The following ICA1 variants were observed in gnomAD, a reference collection of about 807,000 sequenced individuals.
ICA1 encodes islet cell autoantigen 1, also known as 69 kDa islet cell autoantigen.
A neutral mutation model predicts 71.0 loss-of-function variants in ICA1; 40 were observed. The observed-to-expected ratio is 0.56, with a 90% CI of 0.44 to 0.73. The LOEUF is 0.73. Ranked by LOEUF, ICA1 falls within the 30% of genes least tolerant of loss-of-function variation. The pLI, the probability that ICA1 is intolerant of heterozygous loss-of-function variation, is 0.00. For missense variants in ICA1, 578 were observed against 576.5 expected (o/e 1.00, Z -0.03); for synonymous variants, 207 against 209.5 (o/e 0.99, Z 0.10).
intron 6 of ICA1, among the ~76,000 whole-genome samples, chr7:8,208,311 G>A (rs1583251916): frequency 2.0e-5 from 3 of 152,216 alleles, no homozygotes; most frequent in South Asian, 2.1e-4. Flanking sequence ...GTACTATAAC[G>A]CTATTGGCAT....
At chr7:8,192,872 C>G (rs140011294) in intron 6 of ICA1, among the ~76,000 whole-genome samples, 2 of 152,138 alleles carry the variant, frequency 1.3e-5, no homozygotes, top group Admixed American at 6.5e-5. Flanking sequence ...CGAATGGGAG[C>G]CTCTTTGGGC....
At chr7:8,181,244 T>C (rs569988220) in intron 6 of ICA1, among the ~76,000 whole-genome samples, 2 of 152,260 alleles carry the variant, frequency 1.3e-5, no homozygotes, top group Non-Finnish European at 2.9e-5. Context: ...CATTATTTTC[T>C]CCAATGAATT....
chr7:8,205,764 G>C (rs544121755), intron 6 of ICA1, among the ~76,000 whole-genome samples: 62 of 152,314 alleles, frequency 4.1e-4, no homozygotes, highest in Admixed American at 1.5e-3. Flanking sequence ...TAGATTGAGA[G>C]AACAGAGTTG....
intron 13 of ICA1, among the ~76,000 whole-genome samples, chr7:8,121,283 G>T (rs144197269): frequency 3.0e-4 from 46 of 152,176 alleles, no homozygotes; most frequent in African/African-American, 9.2e-4. Flanking sequence ...CTGCCATCCA[G>T]CCAGCCAGCC....
At chr7:8,211,163 G>GA (rs1393993522) in intron 6 of ICA1, among the ~76,000 whole-genome samples, 1 of 152,228 alleles carries the variant, frequency 6.6e-6, no homozygotes, top group African/African-American at 2.4e-5. Context: ...CAACCTCCCA[G>GA]AGAACCCACA....
intron 12 of ICA1, among the ~76,000 whole-genome samples, chr7:8,135,380 T>G (rs1377869525): frequency 6.6e-6 from 1 of 151,896 alleles, no homozygotes; most frequent in Non-Finnish European, 1.5e-5. Context: ...CACTACAGGC[T>G]ACAGGATGAT....
chr7:8,174,768 A>AC lies in ICA1; in HGVS notation c.580-16117_580-16116insG, dbSNP rs1268831694. Among the ~76,000 whole-genome samples the AC allele has an allele frequency of 2.1e-3, 136 of 63,316 alleles. No individual in the cohort carries two copies. In the South Asian group the frequency reaches 0.036, roughly 17 times the overall value. The allele number at this position is 63,316 out of a possible 152,430, so 41.5% of individuals were successfully genotyped here. A position where few individuals can be genotyped will look rare whatever the true frequency, so the allele number is the denominator to read the frequency against. On this transcript the variant is annotated intron_variant, in intron 6 of 13. Transcript: ENST00000402384. Reference sequence around the variant, plus strand: ...CAGACTGTATCTCAAAAAAAAAAAAAAAAAAAAAAAACAGAGAGAGAGACA... The same window carrying AC: ...CAGACTGTATCTCAAAAAAAAAAAAACAAAAAAAAAAACAGAGAGAGAGACA...
chr7:8,178,164 C>G (rs1350248621), intron 6 of ICA1, among the ~76,000 whole-genome samples: 1 of 152,200 alleles, frequency 6.6e-6, no homozygotes, highest in Admixed American at 6.5e-5. Flanking sequence ...GTGTTCATCC[C>G]CTTCCATGTT....
intron 12 of ICA1, among the ~76,000 whole-genome samples, chr7:8,133,467 T>G (rs191100086): frequency 6.6e-6 from 1 of 152,204 alleles, no homozygotes; most frequent in Non-Finnish European, 1.5e-5. Context: ...TTTTACTTTG[T>G]TGCCCTCTTG....
chr7:8,219,905 T>C (rs529293744), intron 5 of ICA1, among the ~76,000 whole-genome samples: 1 of 152,352 alleles, frequency 6.6e-6, no homozygotes, highest in East Asian at 1.9e-4. Context: ...GATAATTATA[T>C]GTTTAACACA....
At chr7:8,162,582 CTTGA>C (rs929274647) in intron 6 of ICA1, among the ~76,000 whole-genome samples, 2 of 152,120 alleles carry the variant, frequency 1.3e-5, no homozygotes, top group African/African-American at 4.8e-5. Context: ...TGACAAACGT[CTTGA>C]TTATTATTCC....
chr7:8,206,163 CT>C (rs1273615992), intron 6 of ICA1, among the ~76,000 whole-genome samples: 8 of 152,148 alleles, frequency 5.3e-5, no homozygotes, highest in African/African-American at 1.9e-4. Flanking sequence ...AGCATAACTG[CT>C]TCTTGAAGTT....
intron 2 of ICA1, among the ~76,000 whole-genome samples, chr7:8,235,406 C>T (rs973049885): frequency 3.3e-5 from 5 of 152,156 alleles, no homozygotes; most frequent in African/African-American, 1.2e-4. Flanking sequence ...CAAATGGTTA[C>T]CACATCTACT....
intron 3 of ICA1, among the ~76,000 whole-genome samples, chr7:8,230,213 G>C (rs973235698): frequency 6.6e-6 from 1 of 152,192 alleles, no homozygotes; most frequent in Non-Finnish European, 1.5e-5. Context: ...TTTCAGAAAA[G>C]GATTTCATTA....
At chr7:8,142,621 G>GT (rs1400711815) in intron 9 of ICA1, among the ~76,000 whole-genome samples, 2 of 152,236 alleles carry the variant, frequency 1.3e-5, no homozygotes, top group Admixed American at 1.3e-4. Context: ...CTACACAAGA[G>GT]TAAGTGGGCA....
At chr7:8,114,401 G>A (rs1784128723) in intron 13 of ICA1, among the ~76,000 whole-genome samples, 1 of 152,192 alleles carries the variant, frequency 6.6e-6, no homozygotes, top group Non-Finnish European at 1.5e-5. Flanking sequence ...CAGACTGAAT[G>A]GCTGAGGAAG....
intron 13 of ICA1, among the ~76,000 whole-genome samples, chr7:8,115,660 T>C (rs1784557403): frequency 6.6e-6 from 1 of 152,216 alleles, no homozygotes; most frequent in African/African-American, 2.4e-5. Context: ...CATGGGAACA[T>C]TTTTTGATGA....
intron 6 of ICA1, among the ~76,000 whole-genome samples, chr7:8,179,235 A>G (rs546385888): frequency 1.3e-5 from 2 of 152,294 alleles, no homozygotes; most frequent in African/African-American, 2.4e-5. Flanking sequence ...AAAAACTTCT[A>G]TTGATTTAAG....
At chr7:8,197,547 G>GAAA (rs71014771) in intron 6 of ICA1, among the ~76,000 whole-genome samples, 1 of 122,210 alleles carries the variant, frequency 8.2e-6, no homozygotes, top group African/African-American at 3.3e-5. Flanking sequence ...CTTCGTCTCA[G>GAAA]AAAAAAAAAA....
Sources: gnomAD v4.1 joint callset for allele counts (sites outside exome capture counted in the v4.1 genomes callset) on GRCh38, gnomAD v4.1.1 for gene constraint, MANE v1.5 for transcripts, NCBI Gene and HGNC (gene_info 2026-07-23, HGNC 2026-07-21) for gene names.